The following TMBIM4 variants were observed in gnomAD, a reference collection of about 807,000 sequenced individuals.
TMBIM4 encodes the protein protein lifeguard 4.
A neutral mutation model predicts 27.7 loss-of-function variants in TMBIM4; 28 were observed. The observed-to-expected ratio is 1.01, with a 90% CI of 0.75 to 1.38. TMBIM4 has a LOEUF of 1.38. TMBIM4 is among the 40% of genes most tolerant of loss of function. TMBIM4 has a pLI of 0.00. For missense variants in TMBIM4, 265 were observed against 277.5 expected (o/e 0.95, Z 0.32); for synonymous variants, 115 against 113.1 (o/e 1.02, Z -0.11).
intron 1 of TMBIM4, chr12:66,169,252 G>A: frequency 1.4e-6 from 1 of 697,624 alleles, no homozygotes; most frequent in Non-Finnish European, 2.6e-6. Context: ...CTGCCCATTG[G>A]CTACTACGTA....
rs1592530318 is a variant in TMBIM4 at position 66,137,337 on chromosome 12, C to T, written c.*623G>A. ...AACGGTAAACTGATATTCTTATCTACTCATAAAATTATTTTTGAATTGCAA... is the reference window on the plus strand; with the variant it reads ...AACGGTAAACTGATATTCTTATCTATTCATAAAATTATTTTTGAATTGCAA... On this transcript the variant is annotated 3_prime_UTR_variant, in exon 7 of 7. Transcript: ENST00000358230. 6.6e-6 allele frequency: 1 copy of T among 152,012 alleles called. No individual in the cohort carries two copies. The highest frequency in any genetic ancestry group is 1.9e-4 in the East Asian group (1 of 5,192). The allele number at this position is 152,012 out of a possible 1,614,324, so 9.4% of individuals were successfully genotyped here. A position where few individuals can be genotyped will look rare whatever the true frequency, so the allele number is the denominator to read the frequency against.
At chr12:66,160,004 C>T (rs769624315) in intron 1 of TMBIM4, among the ~76,000 whole-genome samples, 1 of 152,252 alleles carries the variant, frequency 6.6e-6, no homozygotes, top group Non-Finnish European at 1.5e-5. Context: ...AAGTATGGCC[C>T]GTGGGCCAAA....
intron 3 of TMBIM4, 50 bp from the exon 4 acceptor site, chr12:66,147,991 T>G: frequency 1.3e-6 from 2 of 1,531,962 alleles, no homozygotes; most frequent in Non-Finnish European, 9.0e-7. Context: ...TACTATCTCA[T>G]GTACATTTTC....
At chr12:66,163,892 G>A (rs912830920) in intron 1 of TMBIM4, among the ~76,000 whole-genome samples, 3 of 152,200 alleles carry the variant, frequency 2.0e-5, no homozygotes, top group Non-Finnish European at 4.4e-5. Flanking sequence ...AAACTGCAGA[G>A]CAATGTCCCT....
chr12:66,143,809 C>T (rs921512768), intron 5 of TMBIM4, among the ~76,000 whole-genome samples: 3 of 152,210 alleles, frequency 2.0e-5, no homozygotes, highest in African/African-American at 7.2e-5. Flanking sequence ...TCTTTTCCCT[C>T]GGTCTTTATA....
intron 5 of TMBIM4, among the ~76,000 whole-genome samples, chr12:66,145,029 T>A (rs113199299): frequency 1.3e-5 from 2 of 152,106 alleles, no homozygotes; most frequent in South Asian, 2.1e-4. Context: ...CAAATATGTA[T>A]GAAACATCCT....
At chr12:66,154,812 A>G (rs2051905179) in intron 1 of TMBIM4, among the ~76,000 whole-genome samples, 1 of 152,238 alleles carries the variant, frequency 6.6e-6, no homozygotes, top group African/African-American at 2.4e-5. Flanking sequence ...GGGAATTTTC[A>G]TGAATACTAA....
rs1208245797 is a variant in TMBIM4 at position 66,136,387 on chromosome 12, T to C, written c.*1573A>G. 6.5e-6 allele frequency: 1 copy of C among 154,148 alleles called. No individual in the cohort carries two copies. The highest frequency in any genetic ancestry group is 1.5e-5 in the Non-Finnish European group (1 of 68,198). The allele number at this position is 154,148 out of a possible 1,614,324, so 9.5% of individuals were successfully genotyped here. On this transcript the variant is annotated 3_prime_UTR_variant, in exon 7 of 7. Transcript: ENST00000358230. ...CAGTTAATGATAATAAAGTCAAATT[T>C]ACATCTACAAATCATGCAAGCTTAA...
intron 1 of TMBIM4, among the ~76,000 whole-genome samples, chr12:66,161,627 T>A (rs2052042564): frequency 6.6e-6 from 1 of 152,188 alleles, no homozygotes; most frequent in Admixed American, 6.5e-5. Context: ...ACTGGTGTAG[T>A]CAGCTTAAGT....
At chr12:66,169,188 A>T in intron 1 of TMBIM4, 1 of 681,554 alleles carries the variant, frequency 1.5e-6, no homozygotes, top group Non-Finnish European at 2.7e-6. Flanking sequence ...ACCAAACTAG[A>T]GCAGGCAATG....
chr12:66,158,000 G>T (rs1363888031), intron 1 of TMBIM4, among the ~76,000 whole-genome samples: 1 of 152,008 alleles, frequency 6.6e-6, no homozygotes, highest in African/African-American at 2.4e-5. Flanking sequence ...GCCAAGGTGG[G>T]CACATCACGA....
chr12:66,152,498 T>C (rs766402072), intron 2 of TMBIM4, 122 bp from the exon 3 acceptor site: 3 of 557,498 alleles, frequency 5.4e-6, no homozygotes, highest in Non-Finnish European at 8.9e-6. Context: ...AAATCTGGAA[T>C]GATCCACACC....
intron 1 of TMBIM4, chr12:66,160,027 C>G (rs1421245091): frequency 1.8e-6 from 1 of 562,244 alleles, no homozygotes; most frequent in Non-Finnish European, 3.2e-6. Flanking sequence ...CAGCCCACTA[C>G]CTGGTTTTGT....
chr12:66,139,695 T>C (rs577214366), intron 5 of TMBIM4: 1 of 456,042 alleles, frequency 2.2e-6, no homozygotes, highest in Admixed American at 2.3e-5. Context: ...AAGTGAGCAC[T>C]CTGGTGTATG....
chr12:66,165,489 C>T (rs1273642003), intron 1 of TMBIM4, among the ~76,000 whole-genome samples: 2 of 150,882 alleles, frequency 1.3e-5, no homozygotes, highest in East Asian at 3.9e-4. Flanking sequence ...ACAATCACAG[C>T]TTGCTGCAGC....
chr12:66,158,551 G>A (rs1384658077), intron 1 of TMBIM4, among the ~76,000 whole-genome samples: 6 of 151,662 alleles, frequency 4.0e-5, no homozygotes, highest in Non-Finnish European at 2.9e-5. Flanking sequence ...CAGGAGAATC[G>A]CTTGAACCAG....
chr12:66,146,977 G>A (rs535706364), intron 4 of TMBIM4, among the ~76,000 whole-genome samples: 12 of 152,228 alleles, frequency 7.9e-5, no homozygotes, highest in African/African-American at 2.9e-4. Flanking sequence ...CAATAATCCT[G>A]AAATGAATCT....
At chr12:66,167,706 T>A (rs748579894) in intron 1 of TMBIM4, among the ~76,000 whole-genome samples, 2 of 152,226 alleles carry the variant, frequency 1.3e-5, no homozygotes, top group Non-Finnish European at 2.9e-5. Context: ...TGGCCGTTCC[T>A]TAAATAATTA....
chr12:66,139,680 A>G (rs1342031584), intron 5 of TMBIM4: 1 of 455,932 alleles, frequency 2.2e-6, no homozygotes, highest in African/African-American at 2.0e-5. Flanking sequence ...AGAACTATCC[A>G]CCAAAAGTGA....
Sources: allele counts gnomAD v4.1 joint callset (sites outside exome capture counted in the v4.1 genomes callset), GRCh38; gene constraint gnomAD v4.1.1; transcripts MANE v1.5; gene names NCBI Gene and HGNC (gene_info 2026-07-23, HGNC 2026-07-21).